GLI3: variants seen among roughly 807,000 people sequenced by gnomAD.
The protein encoded by GLI3 is transcription activator GLI3.
In GLI3, 20 loss-of-function variants were observed where a neutral mutation model predicts 100.8. That is an observed-to-expected ratio of 0.20 (90% CI 0.14 to 0.29). GLI3 has a LOEUF of 0.29. Ranked by LOEUF, GLI3 falls within the 10% of genes least tolerant of loss-of-function variation. GLI3 has a pLI of 1.00. For missense variants in GLI3, 2,040 were observed against 2,128.5 expected, an observed-to-expected ratio of 0.96 and a Z score of 0.82; for synonymous variants, 938 against 860.5, an observed-to-expected ratio of 1.09 and a Z score of -1.58.
At chr7:41,995,343 T>C (rs1399633695) in intron 10 of GLI3, among the ~76,000 whole-genome samples, 1 of 152,128 alleles carries the variant, frequency 6.6e-6, no homozygotes, top group Non-Finnish European at 1.5e-5. Flanking sequence ...TCTCATCTGT[T>C]TGCAGGAACC....
intron 3 of GLI3, among the ~76,000 whole-genome samples, chr7:42,101,844 C>A (rs1344379563): frequency 3.9e-5 from 4 of 103,410 alleles, no homozygotes; most frequent in East Asian, 2.3e-4. Flanking sequence ...CCCTCTCCCA[C>A]CCCACAACAG....
chr7:42,075,153 C>A (rs546202948), intron 4 of GLI3, among the ~76,000 whole-genome samples: 187 of 152,196 alleles, frequency 1.2e-3, no homozygotes, highest in Non-Finnish European at 2.3e-3. Flanking sequence ...TTGATAAATT[C>A]ATATTTGAAT....
chr7:41,961,775 G>C lies in GLI3; in HGVS notation c.*2555C>G, dbSNP rs573114465. 2.0e-4 allele frequency: 31 copies of C among 152,200 alleles called. No individual in the cohort carries two copies. Among genetic ancestry groups the C allele is most frequent in the African/African-American group, 5.8e-4 (24 of 41,510 alleles). 9.4% of individuals were successfully genotyped at this position (152,200 alleles called of 1,614,324 possible). ...TCCCAAAAGGATGTCCCAAAAAGATGCTTCTAAGTGACCTCAAAAGACCTT... is the reference window on the plus strand; with the variant it reads ...TCCCAAAAGGATGTCCCAAAAAGATCCTTCTAAGTGACCTCAAAAGACCTT... On this transcript the variant is annotated 3_prime_UTR_variant, in exon 15 of 15. Transcript: ENST00000395925.
At chr7:42,056,830 A>T (rs960881248) in intron 4 of GLI3, among the ~76,000 whole-genome samples, 15 of 126,664 alleles carry the variant, frequency 1.2e-4, no homozygotes, top group Non-Finnish European at 1.9e-4. Context: ...AATAAATAAA[A>T]AATTAGCCGG....
At chr7:41,989,061 T>A (rs570545771) in intron 10 of GLI3, among the ~76,000 whole-genome samples, 3 of 152,328 alleles carry the variant, frequency 2.0e-5, no homozygotes, top group African/African-American at 7.2e-5. Flanking sequence ...TTATACCATA[T>A]CCTTTTAAAT....
intron 12 of GLI3, among the ~76,000 whole-genome samples, chr7:41,977,195 TTGGGGCTTA>T (rs1406624482): frequency 6.6e-6 from 1 of 152,230 alleles, no homozygotes; most frequent in Non-Finnish European, 1.5e-5. Flanking sequence ...TAATATATCC[TTGGGGCTTA>T]TGGGGTCATC....
At chr7:42,193,826 G>A (rs1264524302) in intron 2 of GLI3, among the ~76,000 whole-genome samples, 1 of 152,108 alleles carries the variant, frequency 6.6e-6, no homozygotes, top group Non-Finnish European at 1.5e-5. Flanking sequence ...GTACTAAAAA[G>A]GACATGCTAG....
At chr7:42,158,772 G>C (rs917603221) in intron 2 of GLI3, among the ~76,000 whole-genome samples, 12 of 152,248 alleles carry the variant, frequency 7.9e-5, no homozygotes, top group Admixed American at 2.0e-4. Context: ...TTACAGGCGT[G>C]ATGTGAGCCA....
At chr7:42,003,810 T>C (rs1204384866) in intron 10 of GLI3, among the ~76,000 whole-genome samples, 1 of 152,326 alleles carries the variant, frequency 6.6e-6, no homozygotes, top group African/African-American at 2.4e-5. Context: ...AAATGATAGA[T>C]ATGACGTAGA....
At chr7:42,167,729 C>T (rs1317962428) in intron 2 of GLI3, among the ~76,000 whole-genome samples, 2 of 152,078 alleles carry the variant, frequency 1.3e-5, no homozygotes, top group Non-Finnish European at 2.9e-5. Flanking sequence ...TTGGTAAGGA[C>T]TGCATTTGCC....
intron 1 of GLI3, among the ~76,000 whole-genome samples, chr7:42,253,262 C>T (rs767240290): frequency 1.3e-5 from 2 of 152,240 alleles, no homozygotes; most frequent in Non-Finnish European, 2.9e-5. Context: ...ACTTCACCAG[C>T]ATCTCCAGAA....
At chr7:42,248,797 T>A (rs933649709) in intron 1 of GLI3, among the ~76,000 whole-genome samples, 1 of 152,172 alleles carries the variant, frequency 6.6e-6, no homozygotes, top group Non-Finnish European at 1.5e-5. Context: ...TTTATTCATT[T>A]ATTTTTTTTG....
In GLI3 at chr7:41,978,590, T is replaced by C. The variant is rs1394009532; in HGVS notation, c.1647+9A>G. The C allele has an allele frequency of 6.2e-7, 1 of 1,614,000 alleles. No homozygotes were observed. Among genetic ancestry groups the C allele is most frequent in the East Asian group, 2.2e-5 (1 of 44,876 alleles). The stretch of plus-strand genomic sequence containing the variant: ...CCCAAGTGTGCCTGCCACCCACTTC[T>C]GTACTCACAGTGCATTTGTGAGGCT... On this transcript the variant is annotated intron_variant, in intron 11 of 14. Coordinates refer to ENST00000395925, the MANE Select transcript of GLI3 (RefSeq NM_000168.6).
At chr7:42,111,419 G>C (rs1339520412) in intron 3 of GLI3, among the ~76,000 whole-genome samples, 1 of 152,128 alleles carries the variant, frequency 6.6e-6, no homozygotes, top group Non-Finnish European at 1.5e-5. Context: ...TATGGTCTGA[G>C]CAGGAAGGTA....
chr7:42,092,726 C>T (rs1785250013), intron 3 of GLI3, among the ~76,000 whole-genome samples: 2 of 152,158 alleles, frequency 1.3e-5, no homozygotes, highest in African/African-American at 4.8e-5. Flanking sequence ...CAACAGATGA[C>T]AGGTTATACC....
At chr7:42,192,367 T>C (rs1787844181) in intron 2 of GLI3, among the ~76,000 whole-genome samples, 1 of 152,182 alleles carries the variant, frequency 6.6e-6, no homozygotes, top group Non-Finnish European at 1.5e-5. Flanking sequence ...ATCAGCTTCC[T>C]AACAGAGTTC....
At chr7:42,127,176 A>G (rs1394890964) in intron 3 of GLI3, among the ~76,000 whole-genome samples, 1 of 152,196 alleles carries the variant, frequency 6.6e-6, no homozygotes, top group Non-Finnish European at 1.5e-5. Flanking sequence ...TCTGGTAACA[A>G]GCCTTTTTAA....
intron 3 of GLI3, among the ~76,000 whole-genome samples, chr7:42,082,484 A>G (rs846298): frequency 0.51 from 78,016 of 151,868 alleles, 20,283 homozygotes; most frequent in Middle Eastern, 0.65. Flanking sequence ...TTTGAGCAAG[A>G]CAGTCTGTGG....
chr7:42,203,338 C>A (rs900278972), intron 2 of GLI3, among the ~76,000 whole-genome samples: 1 of 152,094 alleles, frequency 6.6e-6, no homozygotes, highest in African/African-American at 2.4e-5. Flanking sequence ...TGAACTTATT[C>A]CTCCTACCTA....
Sources: gnomAD v4.1 joint callset for allele counts (sites outside exome capture counted in the v4.1 genomes callset) on GRCh38, gnomAD v4.1.1 for gene constraint, MANE v1.5 for transcripts, NCBI Gene and HGNC (gene_info 2026-07-23, HGNC 2026-07-21) for gene names.